RANBP2: variants seen among roughly 807,000 people sequenced by gnomAD.
The protein encoded by RANBP2 is RAN binding protein 2.
Under a neutral mutation model 303.6 loss-of-function variants are expected in RANBP2, and 57 were observed. The ratio of observed to expected loss-of-function variants is 0.19; its 90% CI spans 0.15 to 0.23. RANBP2 has a LOEUF of 0.23. Among genes scored for constraint, RANBP2 ranks in the 10% least tolerant of loss-of-function variants. The probability of loss-of-function intolerance (pLI) is 1.00; values close to 1 mark genes in which losing one functional copy is unlikely to be tolerated. For missense variants in RANBP2, 3,138 were observed against 3,780.8 expected (o/e 0.83, Z 4.46); for synonymous variants, 1,167 against 1,301.5 (o/e 0.90, Z 2.23).
chr2:109,206,328 A>G, the RANBP2 span, among the ~76,000 whole-genome samples: 1 of 151,758 alleles, frequency 6.6e-6, no homozygotes, highest in Non-Finnish European at 1.5e-5. Flanking sequence ...GTCTCTACTA[A>G]AAAATACCAA....
At chr2:109,466,072 C>CTTTTTTTTT in the RANBP2 span, among the ~76,000 whole-genome samples, 50 of 82,390 alleles carry the variant, frequency 6.1e-4, no homozygotes, top group Non-Finnish European at 6.9e-4. Context: ...ACCTGTACAT[C>CTTTTTTTTT]TTTTTTTTTT....
the RANBP2 span, among the ~76,000 whole-genome samples, chr2:109,366,104 C>A: frequency 1.3e-5 from 2 of 152,172 alleles, no homozygotes; most frequent in Non-Finnish European, 2.9e-5. Context: ...AAGTGTTCCA[C>A]CTCTTCTATC....
At chr2:108,788,673 T>C (rs909900452), downstream of RANBP2, 1 of 371,136 alleles carries the variant, frequency 2.7e-6, no homozygotes, top group African/African-American at 2.2e-5. Context: ...TGAGCCGAGA[T>C]TGCGCCACTG....
At chr2:108,792,718 A>C in the RANBP2 span, among the ~76,000 whole-genome samples, 3 of 151,932 alleles carry the variant, frequency 2.0e-5, no homozygotes, top group Admixed American at 6.6e-5. Context: ...TGGAAGACAC[A>C]CCCCCCTCCT....
At chr2:109,007,018 G>C in the RANBP2 span, among the ~76,000 whole-genome samples, 1 of 152,156 alleles carries the variant, frequency 6.6e-6, no homozygotes, top group Non-Finnish European at 1.5e-5. Flanking sequence ...GAACGGGCTG[G>C]GGAGTTAACA....
the RANBP2 span, among the ~76,000 whole-genome samples, chr2:109,289,817 C>A: frequency 6.6e-5 from 10 of 152,026 alleles, no homozygotes; most frequent in African/African-American, 2.4e-4. Flanking sequence ...CTGGGGAAAT[C>A]GGGAAATCAA....
At chr2:108,897,940 G>C in the RANBP2 span, among the ~76,000 whole-genome samples, 1 of 152,152 alleles carries the variant, frequency 6.6e-6, no homozygotes, top group Non-Finnish European at 1.5e-5. Flanking sequence ...GATGGTGATG[G>C]TGGTAAGTTC....
At chr2:109,303,103 T>C in the RANBP2 span, among the ~76,000 whole-genome samples, 1 of 152,172 alleles carries the variant, frequency 6.6e-6, no homozygotes, top group Non-Finnish European at 1.5e-5. Flanking sequence ...CTCCAACTCC[T>C]GACCTCAGGT....
the RANBP2 span, among the ~76,000 whole-genome samples, chr2:109,454,862 G>GA: frequency 2.6e-5 from 4 of 151,838 alleles, no homozygotes; most frequent in Non-Finnish European, 5.9e-5. Flanking sequence ...AAGAGAATTG[G>GA]AAAAACTGCT....
At chr2:109,061,706 A>C in the RANBP2 span, among the ~76,000 whole-genome samples, 1 of 152,202 alleles carries the variant, frequency 6.6e-6, no homozygotes, top group Non-Finnish European at 1.5e-5. Flanking sequence ...TTTCTACAAA[A>C]GATTATGGGA....
the RANBP2 span, among the ~76,000 whole-genome samples, chr2:109,539,450 C>T: frequency 6.6e-6 from 1 of 152,214 alleles, no homozygotes; most frequent in African/African-American, 2.4e-5. Flanking sequence ...GCCTGGCAAC[C>T]ACAGCTTCTT....
At chr2:109,055,960 A>T in the RANBP2 span, among the ~76,000 whole-genome samples, 4 of 151,522 alleles carry the variant, frequency 2.6e-5, no homozygotes, top group Admixed American at 2.0e-4. Context: ...GGGTTTCACC[A>T]TCTTGGCCAG....
At chr2:109,351,215 C>T in the RANBP2 span, among the ~76,000 whole-genome samples, 670 of 152,308 alleles carry the variant, frequency 4.4e-3, 6 homozygotes, top group African/African-American at 0.016. Context: ...TTCTGAGGAG[C>T]CTCCACACGT....
At chr2:109,519,354 T>C in the RANBP2 span, among the ~76,000 whole-genome samples, 5 of 152,142 alleles carry the variant, frequency 3.3e-5, no homozygotes, top group African/African-American at 4.8e-5. Context: ...ACCTCCAGCA[T>C]TGGGGATTAC....
At chr2:108,895,811 C>T in the RANBP2 span, 1 of 152,254 alleles carries the variant, frequency 6.6e-6, no homozygotes, top group African/African-American at 2.4e-5. Context: ...CTGCAGAACT[C>T]CACTTTCCCT....
At chr2:109,369,466 T>C in the RANBP2 span, among the ~76,000 whole-genome samples, 3 of 152,382 alleles carry the variant, frequency 2.0e-5, no homozygotes, top group East Asian at 3.9e-4. Context: ...TGAAGTGATA[T>C]GATGCTCTTA....
chr2:109,160,968 G>T, the RANBP2 span, among the ~76,000 whole-genome samples: 92 of 152,258 alleles, frequency 6.0e-4, no homozygotes, highest in Middle Eastern at 3.4e-3. Flanking sequence ...GCGTGGCAGG[G>T]GCTCAGAGAG....
intron 1 of RANBP2, among the ~76,000 whole-genome samples, chr2:108,724,502 G>T (rs1694534675): frequency 6.6e-6 from 1 of 152,082 alleles, no homozygotes. Flanking sequence ...CCATTTTCTA[G>T]AAGTTCTGTT....
At chr2:109,099,592 G>A in the RANBP2 span, among the ~76,000 whole-genome samples, 4 of 152,002 alleles carry the variant, frequency 2.6e-5, no homozygotes, top group African/African-American at 7.2e-5. Flanking sequence ...CTTGACAAGC[G>A]GGGGTCCATT....
Sources: allele counts gnomAD v4.1 joint callset (sites outside exome capture counted in the v4.1 genomes callset), GRCh38; gene constraint gnomAD v4.1.1; transcripts MANE v1.5; gene names NCBI Gene and HGNC (gene_info 2026-07-23, HGNC 2026-07-21).